The following TSHR variants were observed in gnomAD, a reference collection of about 807,000 sequenced individuals.
TSHR encodes thyrotropin receptor.
In TSHR, 51 loss-of-function variants were observed where a neutral mutation model predicts 64.1. The observed-to-expected ratio is 0.80, with a 90% CI of 0.64 to 1.01. The LOEUF (loss-of-function observed/expected upper bound fraction) is 1.01. TSHR is among the 50% of genes least tolerant of loss of function. The pLI is 0.00. For missense variants in TSHR, 877 were observed against 942.8 expected, an observed-to-expected ratio of 0.93 and a Z score of 0.91; for synonymous variants, 361 against 361.9, an observed-to-expected ratio of 1.00 and a Z score of 0.03.
At chr14:80,987,791 C>T (rs1888543130) in intron 1 of TSHR, among the ~76,000 whole-genome samples, 1 of 152,194 alleles carries the variant, frequency 6.6e-6, no homozygotes, top group Non-Finnish European at 1.5e-5. Flanking sequence ...CTGACTTCTG[C>T]TGCCTCCAGC....
chr14:81,115,995 C>T (rs1211128247), intron 8 of TSHR, among the ~76,000 whole-genome samples: 1 of 151,986 alleles, frequency 6.6e-6, no homozygotes, highest in Non-Finnish European at 1.5e-5. Flanking sequence ...GATTTTCTCA[C>T]CACCAGGCCT....
chr14:81,088,067 G>A (rs2139969320), intron 4 of TSHR, 39 bp downstream of exon 4: 1 of 1,503,228 alleles, frequency 6.7e-7, no homozygotes, highest in Non-Finnish European at 9.3e-7. Flanking sequence ...TTTTCTGGGG[G>A]GAGGGGGTCA....
At chr14:81,070,940 G>T (rs1017452734) in intron 3 of TSHR, among the ~76,000 whole-genome samples, 5 of 152,154 alleles carry the variant, frequency 3.3e-5, no homozygotes, top group African/African-American at 4.8e-5. Context: ...ACATTTCTGT[G>T]CAGGAAGAAA....
At chr14:81,087,898 T>C (rs758517010) in intron 3 of TSHR, 56 bp from the exon 4 acceptor site, 1 of 1,291,188 alleles carries the variant, frequency 7.7e-7, no homozygotes, top group Non-Finnish European at 1.1e-6. Flanking sequence ...GTTTTGTCTT[T>C]GATAAGAACA....
chr14:81,090,873 C>G (rs1223531687), intron 4 of TSHR, among the ~76,000 whole-genome samples, 196 bp from the exon 5 acceptor site: 1 of 152,148 alleles, frequency 6.6e-6, no homozygotes, highest in African/African-American at 2.4e-5. Flanking sequence ...AATTATTATG[C>G]CTTGAGGGAA....
Position 81,003,543 on chromosome 14 carries a change from C to T in TSHR, c.170+47693C>T, listed in dbSNP as rs72478821. On this transcript the variant is annotated intron_variant, in intron 1 of 9. Coordinates refer to ENST00000298171, the MANE Select transcript of TSHR (RefSeq NM_000369.5). Reference sequence around the variant, plus strand: ...TTTCATATATGCACACCCTTGATGGCCTGGGCAGTTTCACAAGTGTTCTTA... The same window carrying T: ...TTTCATATATGCACACCCTTGATGGTCTGGGCAGTTTCACAAGTGTTCTTA... 876 of 222,366 alleles carry T rather than the reference C, an allele frequency of 3.9e-3. 25 individuals are homozygous for T. In the East Asian group the frequency reaches 0.04, roughly 10 times the overall value. The allele number at this position is 222,366 out of a possible 1,614,324, so 13.8% of individuals were successfully genotyped here.
At chr14:81,024,284 C>T (rs1883930600) in intron 1 of TSHR, among the ~76,000 whole-genome samples, 1 of 151,812 alleles carries the variant, frequency 6.6e-6, no homozygotes, top group African/African-American at 2.4e-5. Flanking sequence ...GAGTCTTGCT[C>T]TGTCACCAGT....
At chr14:81,065,870 G>T (rs1886573135) in intron 2 of TSHR, among the ~76,000 whole-genome samples, 1 of 152,152 alleles carries the variant, frequency 6.6e-6, no homozygotes, top group Admixed American at 6.6e-5. Flanking sequence ...GTCTGAGATG[G>T]TTCAAATTCC....
At chr14:81,073,011 ATAAAAAATAAATATAT>A (rs1423983226) in intron 3 of TSHR, among the ~76,000 whole-genome samples, 1 of 58,978 alleles carries the variant, frequency 1.7e-5, no homozygotes, top group Admixed American at 2.3e-4. Context: ...AAAAAAAAAA[ATAAAAAATAAATATAT>A]ATATATATAT....
chr14:81,142,919 C>A, intron 9 of TSHR, 21 bp from the exon 10 acceptor site: 1 of 1,612,394 alleles, frequency 6.2e-7, no homozygotes, highest in Non-Finnish European at 8.5e-7. Context: ...CTGGCACTGA[C>A]TCTTTTCTGT....
intron 1 of TSHR, among the ~76,000 whole-genome samples, chr14:80,963,376 T>C (rs1872568168): frequency 6.6e-6 from 1 of 152,236 alleles, no homozygotes; most frequent in Admixed American, 6.5e-5. Flanking sequence ...CCTATCCAAA[T>C]GGACCCTCCT....
intron 1 of TSHR, among the ~76,000 whole-genome samples, chr14:81,042,463 G>A (rs1884968195): frequency 6.6e-6 from 1 of 152,160 alleles, no homozygotes; most frequent in South Asian, 2.1e-4. Context: ...CATAAAAAAT[G>A]AAGGAAATCT....
chr14:81,137,728 T>C (rs1777121431), intron 8 of TSHR, among the ~76,000 whole-genome samples: 1 of 152,212 alleles, frequency 6.6e-6, no homozygotes, highest in Non-Finnish European at 1.5e-5. Context: ...TTTTGGGGTG[T>C]TTTGTCACGC....
chr14:81,096,178 T>TA (rs1196732114), intron 6 of TSHR, among the ~76,000 whole-genome samples: 2 of 152,114 alleles, frequency 1.3e-5, no homozygotes, highest in East Asian at 1.9e-4. Flanking sequence ...AAAAGATGGA[T>TA]AAAATACAAA....
chr14:81,004,194 C>A lies in TSHR; in HGVS notation c.170+48344C>A, dbSNP rs79952354. Among the ~76,000 whole-genome samples, 501 of 152,258 alleles carry A rather than the reference C, an allele frequency of 3.3e-3. 5 individuals carry two copies. Among genetic ancestry groups the A allele is most frequent in the African/African-American group, 9.0e-3 (374 of 41,552 alleles). On this transcript the variant is annotated intron_variant, in intron 1 of 9. Transcript: ENST00000298171. ...TGACCTCAAATAATAGCACTTTACT[C>A]GTCTCCCCTCTCCCGACCCCGGTGG...
intron 8 of TSHR, among the ~76,000 whole-genome samples, chr14:81,133,335 T>C (rs574278392): frequency 1.5e-4 from 22 of 151,688 alleles, no homozygotes; most frequent in Non-Finnish European, 2.2e-4. Context: ...TGAAGAAAAA[T>C]AGAAAAGAAG....
chr14:81,141,964 A>G (rs899163243), intron 9 of TSHR, among the ~76,000 whole-genome samples: 1 of 152,208 alleles, frequency 6.6e-6, no homozygotes. Flanking sequence ...TAATAACCCT[A>G]TATGAAATAG....
rs1891817323 is a variant in TSHR at position 81,143,871 on chromosome 14, T to C, written c.1813T>C (p.Tyr605His). ...VIVCCCYVKI[Y>H]ITVRNPQYNP... Reference sequence around the variant, plus strand: ...CGTCTGCTGCTGTTATGTGAAGATCTACATCACAGTCCGAAATCCGCAGTA... The same window carrying C: ...CGTCTGCTGCTGTTATGTGAAGATCCACATCACAGTCCGAAATCCGCAGTA... The change falls in exon 10 of 10, where the codon TAC becomes CAC. Residue 605 changes from tyrosine to histidine, a missense_variant. By Grantham distance (83) the Tyr-to-His change is moderately conservative (BLOSUM62 2). Transcript: ENST00000298171. The C allele has an allele frequency of 6.2e-7, 1 of 1,613,984 alleles. No individual in the cohort carries two copies. The highest frequency in any genetic ancestry group is 1.3e-5 in the African/African-American group (1 of 74,902).
chr14:81,007,581 A>AT (rs1889669163), intron 1 of TSHR, among the ~76,000 whole-genome samples: 1 of 152,282 alleles, frequency 6.6e-6, no homozygotes, highest in East Asian at 1.9e-4. Flanking sequence ...CCTATCACTG[A>AT]TGTTGTTGAC....
Sources: gnomAD v4.1 joint callset for allele counts (sites outside exome capture counted in the v4.1 genomes callset) on GRCh38, gnomAD v4.1.1 for gene constraint, MANE v1.5 for transcripts, NCBI Gene and HGNC (gene_info 2026-07-23, HGNC 2026-07-21) for gene names.